Variants in CNTN3 observed in about 807,000 individuals in gnomAD.
CNTN3 encodes contactin-3.
CNTN3 carries 60 observed loss-of-function variants against 119.1 expected under a neutral mutation model. That is an observed-to-expected ratio of 0.50 (90% confidence interval 0.41 to 0.62). The LOEUF (loss-of-function observed/expected upper bound fraction) is 0.62, where lower values mean the gene tolerates loss of function less well. CNTN3 is among the 20% of genes least tolerant of loss of function. CNTN3 has a pLI of 0.00. For synonymous variants in CNTN3, 450 were observed against 438.7 expected (o/e 1.03, Z -0.32); for missense variants, 1,101 against 1,242.4 (o/e 0.89, Z 1.71).
chr3:74,605,343 T>C (rs1264544742), intron 1 of CNTN3, among the ~76,000 whole-genome samples: 3 of 152,168 alleles, frequency 2.0e-5, no homozygotes, highest in Non-Finnish European at 2.9e-5. Flanking sequence ...TTTAGCTCAA[T>C]TTATTCATTC....
chr3:74,343,458 T>A (rs941198009), intron 11 of CNTN3, among the ~76,000 whole-genome samples: 1 of 152,228 alleles, frequency 6.6e-6, no homozygotes, highest in South Asian at 2.1e-4. Context: ...ACTTAGAGAC[T>A]AGAAGCCCTG....
chr3:74,415,713 A>C (rs1353766026), intron 5 of CNTN3, among the ~76,000 whole-genome samples: 1 of 152,168 alleles, frequency 6.6e-6, no homozygotes, highest in East Asian at 1.9e-4. Context: ...AGAGCTGGGG[A>C]GCCTGCAGGC....
chr3:74,612,178 A>G (rs1333079963), intron 1 of CNTN3, among the ~76,000 whole-genome samples: 1 of 152,166 alleles, frequency 6.6e-6, no homozygotes, highest in African/African-American at 2.4e-5. Flanking sequence ...TGAATGTGTG[A>G]GAAGGAGTTA....
Position 74,513,436 on chromosome 3 carries a change from C to G in CNTN3, c.55+7622G>C, listed in dbSNP as rs1196466715. Among the ~76,000 whole-genome samples, 3 of 152,076 alleles carry G rather than the reference C, an allele frequency of 2.0e-5. No homozygotes were observed. The South Asian group carries it at 6.2e-4, about 31-fold the overall frequency. On this transcript the variant is annotated intron_variant, in intron 2 of 22. Transcript: ENST00000263665. Reference sequence around the variant, plus strand: ...GTTAGAATAAACAATGAGTAACTAACCAGAGCCATTTATAAAATGGCAGCC... The same window carrying G: ...GTTAGAATAAACAATGAGTAACTAAGCAGAGCCATTTATAAAATGGCAGCC...
intron 1 of CNTN3, among the ~76,000 whole-genome samples, chr3:74,583,122 C>G (rs1249225365): frequency 6.6e-6 from 1 of 152,012 alleles, no homozygotes; most frequent in Non-Finnish European, 1.5e-5. Context: ...TAGCGGCTGT[C>G]AGTAGTTGTT....
At chr3:74,329,739 G>A (rs1463375830) in intron 13 of CNTN3, among the ~76,000 whole-genome samples, 1 of 152,074 alleles carries the variant, frequency 6.6e-6, no homozygotes, top group East Asian at 1.9e-4. Context: ...TAAAAGTAAG[G>A]AAACAAAGAT....
chr3:74,523,719 A>C (rs1232182078), intron 1 of CNTN3, among the ~76,000 whole-genome samples: 1 of 151,920 alleles, frequency 6.6e-6, no homozygotes, highest in Non-Finnish European at 1.5e-5. Context: ...TTAATATCAA[A>C]AACTATTCAA....
At chr3:74,584,207 A>AT (rs1178743438) in intron 1 of CNTN3, among the ~76,000 whole-genome samples, 2 of 152,118 alleles carry the variant, frequency 1.3e-5, no homozygotes, top group Non-Finnish European at 2.9e-5. Flanking sequence ...TTTGCATTTC[A>AT]TTTTTTACAA....
intron 2 of CNTN3, among the ~76,000 whole-genome samples, chr3:74,509,759 A>G (rs1007813832): frequency 4.6e-5 from 7 of 152,132 alleles, no homozygotes; most frequent in Admixed American, 1.3e-4. Flanking sequence ...CAAATTGTGT[A>G]AGGAAGTCTG....
Position 74,371,352 on chromosome 3 carries a change from C to T in CNTN3, c.502G>A (p.Glu168Lys), listed in dbSNP as rs1704334074. 5 of 1,613,338 alleles carry T rather than the reference C, an allele frequency of 3.1e-6. No individual in the cohort carries two copies. Among genetic ancestry groups the T allele is most frequent in the Admixed American group, 3.3e-5 (2 of 59,904 alleles). The change falls in exon 6 of 23, where the codon GAA (glutamate) becomes AAA (lysine). Residue 168 changes from glutamate to lysine, a missense_variant. Coordinates refer to ENST00000263665, the MANE Select transcript of CNTN3 (RefSeq NM_020872.3). The part of the protein sequence containing the change: ...IFNEYPSFVE[E>K]DSRRFVSQET... ...TGGGAGACAAATCTCCGACTATCTT[C>T]TTCAACAAACGATGGGTATTCATTG...
intron 4 of CNTN3, among the ~76,000 whole-genome samples, chr3:74,435,411 A>G (rs537180389): frequency 6.6e-6 from 1 of 152,276 alleles, no homozygotes; most frequent in African/African-American, 2.4e-5. Context: ...TCTTGGGCTC[A>G]AGCAATCCAC....
intron 4 of CNTN3, among the ~76,000 whole-genome samples, chr3:74,447,929 C>G (rs916608056): frequency 2.0e-5 from 3 of 152,170 alleles, no homozygotes; most frequent in African/African-American, 7.2e-5. Context: ...ATAACTCATT[C>G]TGGCAGACCC....
intron 2 of CNTN3, among the ~76,000 whole-genome samples, chr3:74,514,812 G>A (rs571515503): frequency 6.6e-6 from 1 of 152,214 alleles, no homozygotes; most frequent in South Asian, 2.1e-4. Flanking sequence ...TTCAAAGGAA[G>A]CAAAATGCAG....
At chr3:74,295,087 C>G in intron 19 of CNTN3, 34 bp downstream of exon 19, 1 of 1,367,394 alleles carries the variant, frequency 7.3e-7, no homozygotes, top group Non-Finnish European at 1.0e-6. Context: ...GGCACGGTAA[C>G]ACACATACAC....
chr3:74,472,577 C>A (rs142500339), intron 4 of CNTN3, among the ~76,000 whole-genome samples: 6 of 152,106 alleles, frequency 3.9e-5, no homozygotes, highest in Non-Finnish European at 8.8e-5. Flanking sequence ...ACATAAAATA[C>A]ACAGGCTGAG....
chr3:74,482,820 A>T (rs1482013893), intron 4 of CNTN3, among the ~76,000 whole-genome samples: 3 of 152,112 alleles, frequency 2.0e-5, no homozygotes, highest in Non-Finnish European at 4.4e-5. Context: ...CTACTAATAC[A>T]AGGGTCTCCA....
Position 74,295,211 on chromosome 3 carries a change from G to C in CNTN3, c.2427C>G (p.Val809=). The part of the protein sequence containing the change: ...EEEPTVAPSQ[V]SANSLSSSEI... ...CTGAGGAAGATAGGCTATTTGCAGA[G>C]ACTTGAGATGGGGCCACTGTAGGCT... Residue 809 remains valine (V), a synonymous_variant, in exon 19 of 23, where the codon GTC becomes GTG. Transcript: ENST00000263665. The C allele has an allele frequency of 1.2e-6, 2 of 1,610,746 alleles. No individual in the cohort carries two copies. Among genetic ancestry groups the C allele is most frequent in the South Asian group, 2.2e-5 (2 of 90,942 alleles).
chr3:74,309,038 C>T (rs507833), intron 13 of CNTN3, among the ~76,000 whole-genome samples: 53,442 of 151,898 alleles, frequency 0.35, 10,652 homozygotes, highest in East Asian at 0.72. Context: ...AAGATTAGCA[C>T]GTATTAGAAA....
chr3:74,557,020 G>A (rs1484909892), intron 1 of CNTN3, among the ~76,000 whole-genome samples: 1 of 151,910 alleles, frequency 6.6e-6, no homozygotes. Flanking sequence ...GAGTTTTTTT[G>A]TATTCTAATA....
Sources: allele counts gnomAD v4.1 joint callset (sites outside exome capture counted in the v4.1 genomes callset), GRCh38; gene constraint gnomAD v4.1.1; transcripts MANE v1.5; gene names NCBI Gene and HGNC (gene_info 2026-07-23, HGNC 2026-07-21).